CCDC50: variants seen among roughly 807,000 people sequenced by gnomAD.
CCDC50 encodes coiled-coil domain-containing protein 50.
Under a neutral mutation model 70.2 loss-of-function variants are expected in CCDC50, and 54 were observed. The ratio of observed to expected loss-of-function variants is 0.77; its 90% CI spans 0.62 to 0.96. CCDC50 has a LOEUF of 0.96. CCDC50 is among the 50% of genes least tolerant of loss of function. CCDC50 has a pLI of 0.00. For missense variants in CCDC50, 558 were observed against 578.7 expected (o/e 0.96, Z 0.37); for synonymous variants, 216 against 198.8 (o/e 1.09, Z -0.73).
At chr3:191,370,758 G>T (rs1179066983) in intron 5 of CCDC50, among the ~76,000 whole-genome samples, 1 of 151,948 alleles carries the variant, frequency 6.6e-6, no homozygotes, top group Non-Finnish European at 1.5e-5. Flanking sequence ...CAAAGTGCTG[G>T]GATTACAGAT....
At chr3:191,359,661 C>T (rs1712414718) in intron 3 of CCDC50, among the ~76,000 whole-genome samples, 1 of 151,780 alleles carries the variant, frequency 6.6e-6, no homozygotes, top group Non-Finnish European at 1.5e-5. Flanking sequence ...ATGATGAGGC[C>T]TAAATTGAAG....
At chr3:191,338,092 T>G (rs1711578483) in intron 1 of CCDC50, among the ~76,000 whole-genome samples, 1 of 152,296 alleles carries the variant, frequency 6.6e-6, no homozygotes. Flanking sequence ...CCATTAACTT[T>G]AGGAGTTTTA....
chr3:191,373,043 G>A (rs1189395609), intron 5 of CCDC50, among the ~76,000 whole-genome samples: 1 of 151,786 alleles, frequency 6.6e-6, no homozygotes, highest in African/African-American at 2.4e-5. Flanking sequence ...CAAACATGGA[G>A]GCACTCATAT....
intron 4 of CCDC50, among the ~76,000 whole-genome samples, chr3:191,363,195 A>C (rs916206484): frequency 1.3e-5 from 2 of 152,212 alleles, no homozygotes; most frequent in African/African-American, 4.8e-5. Flanking sequence ...AATACTATAT[A>C]AAATTAGCAG....
In CCDC50 at chr3:191,394,072, G is replaced by T. The variant is rs989470545; in HGVS notation, c.*2312G>T. The T allele has an allele frequency of 4.0e-5, 6 of 151,788 alleles. No homozygotes were observed. Among genetic ancestry groups the T allele is most frequent in the African/African-American group, 1.5e-4 (6 of 41,324 alleles). The allele number at this position is 151,788 out of a possible 1,614,324, so 9.4% of individuals were successfully genotyped here. On this transcript the variant is annotated 3_prime_UTR_variant, in exon 12 of 12. Coordinates refer to ENST00000392455, the MANE Select transcript of CCDC50 (RefSeq NM_178335.3). ...GAGATACTGCATTCAAAAAAAAGTC[G>T]GACCACTTAACACTTACCAGGAATG...
chr3:191,366,173 A>G (rs16866503), intron 4 of CCDC50, among the ~76,000 whole-genome samples: 9,027 of 152,224 alleles, frequency 0.059, 485 homozygotes, highest in East Asian at 0.25. Flanking sequence ...TTTTACTAAA[A>G]GCAAGATAAG....
In CCDC50 at chr3:191,391,916, A is replaced by G. The variant is rs1006876706; in HGVS notation, c.*156A>G. The G allele has an allele frequency of 1.8e-5, 13 of 730,766 alleles. No homozygotes were observed. The highest frequency in any genetic ancestry group is 3.0e-5 in the Non-Finnish European group (13 of 433,614). The allele number at this position is 730,766 out of a possible 1,614,324, so 45.3% of individuals were successfully genotyped here. On this transcript the variant is annotated 3_prime_UTR_variant, in exon 12 of 12. Transcript: ENST00000392455. ...ACCATAAGTAATTTTAATTCATTTC[A>G]AATGTTTTGGTTATTCATGATCACT...
intron 4 of CCDC50, among the ~76,000 whole-genome samples, chr3:191,363,192 T>G (rs1056053641): frequency 1.3e-5 from 2 of 152,174 alleles, no homozygotes; most frequent in African/African-American, 4.8e-5. Context: ...GGTAATACTA[T>G]ATAAAATTAG....
intron 1 of CCDC50, among the ~76,000 whole-genome samples, chr3:191,332,383 T>C (rs921998665): frequency 6.6e-6 from 1 of 152,322 alleles, no homozygotes; most frequent in Non-Finnish European, 1.5e-5. Flanking sequence ...AGTTCATATG[T>C]AGGTGAAAAG....
At chr3:191,390,413 A>ATCTTGTGT (rs1576978282) in intron 11 of CCDC50, among the ~76,000 whole-genome samples, 1 of 5,512 alleles carries the variant, frequency 1.8e-4, no homozygotes, top group Non-Finnish European at 6.2e-4. Context: ...AGAAGGTTCG[A>ATCTTGTGT]ATAAAGAATG....
rs1374162557 is a variant in CCDC50, at chr3:191,394,828, T to C, written c.*3068T>C. 6.6e-6 allele frequency: 1 copy of C among 152,180 alleles called. No homozygotes were observed. Among genetic ancestry groups the C allele is most frequent in the Non-Finnish European group, 1.5e-5 (1 of 68,020 alleles). The allele number at this position is 152,180 out of a possible 1,614,324, so 9.4% of individuals were successfully genotyped here. On this transcript the variant is annotated 3_prime_UTR_variant, in exon 12 of 12. Transcript: ENST00000392455. ...CCACTGTTAGACGTAAGTATTTTAT[T>C]AGACATAAGTATTTTATTTTGGGAC... is the stretch of plus-strand genomic sequence containing the variant.
In CCDC50 at chr3:191,331,507, A is replaced by G. The variant is rs976392460; in HGVS notation, c.49+1784A>G. On this transcript the variant is annotated intron_variant, in intron 1 of 11. Transcript: ENST00000392455. ...CATTTTGCGTAATACGGTGTTTGGC[A>G]ATCTCTTTTATGTAATCTGGTAAAT... Among the ~76,000 whole-genome samples the G allele has an allele frequency of 3.3e-5, 5 of 152,228 alleles. No homozygotes were observed. The East Asian group carries it at 9.6e-4, about 29-fold the overall frequency.
intron 1 of CCDC50, among the ~76,000 whole-genome samples, chr3:191,337,250 C>G (rs574917970): frequency 9.2e-5 from 14 of 151,836 alleles, no homozygotes; most frequent in African/African-American, 3.4e-4. Context: ...TTGGACAGTT[C>G]AGTTATCGGT....
At chr3:191,357,033 A>G in intron 1 of CCDC50, 55 bp from the exon 2 acceptor site, 1 of 1,067,642 alleles carries the variant, frequency 9.4e-7, no homozygotes, top group South Asian at 1.3e-5. Flanking sequence ...TTTCCTTTGT[A>G]TGTTAAAGTA....
chr3:191,355,294 A>G (rs192792492), intron 1 of CCDC50, among the ~76,000 whole-genome samples: 13 of 152,332 alleles, frequency 8.5e-5, no homozygotes, highest in African/African-American at 2.9e-4. Flanking sequence ...CATTCTTTAC[A>G]CAAGATTTGA....
chr3:191,382,017 G>A (rs1231504102), intron 9 of CCDC50, among the ~76,000 whole-genome samples: 1 of 152,098 alleles, frequency 6.6e-6, no homozygotes, highest in Non-Finnish European at 1.5e-5. Context: ...AACTAACTCA[G>A]TAATTCAAGA....
At position 191,329,550 on chromosome 3, in the gene CCDC50, C is replaced by A; in HGVS notation, c.-125C>A. ...CCGCCCGACCCGCTCCGTTCTCCGG[C>A]CTGCGAGCCCTGCCGGCCGGACTTT... On this transcript the variant is annotated 5_prime_UTR_variant, in exon 1 of 12. Transcript: ENST00000392455. The A allele has an allele frequency of 1.1e-6, 1 of 896,106 alleles. No individual in the cohort carries two copies. Among genetic ancestry groups the A allele is most frequent in the Non-Finnish European group, 1.6e-6 (1 of 614,792 alleles). 55.5% of individuals were successfully genotyped at this position (896,106 alleles called of 1,614,324 possible).
chr3:191,394,680 A>G lies in CCDC50; in HGVS notation c.*2920A>G, dbSNP rs1713806105. ...ACAATATATGACGGAGCCTTATCATAAGGCTGCTTGACATAGACACCCACT... is the reference window on the plus strand; with the variant it reads ...ACAATATATGACGGAGCCTTATCATGAGGCTGCTTGACATAGACACCCACT... On this transcript the variant is annotated 3_prime_UTR_variant, in exon 12 of 12. Transcript: ENST00000392455. The G allele has an allele frequency of 6.6e-6, 1 of 152,190 alleles. No individual in the cohort carries two copies. The allele number at this position is 152,190 out of a possible 1,614,324, so 9.4% of individuals were successfully genotyped here.
intron 1 of CCDC50, among the ~76,000 whole-genome samples, chr3:191,335,007 T>C (rs1479571279): frequency 6.6e-6 from 1 of 152,190 alleles, no homozygotes; most frequent in Non-Finnish European, 1.5e-5. Context: ...CTCTGGTATA[T>C]TCATTCTAAA....
Sources: allele counts gnomAD v4.1 joint callset (sites outside exome capture counted in the v4.1 genomes callset), GRCh38; gene constraint gnomAD v4.1.1; transcripts MANE v1.5; gene names NCBI Gene and HGNC (gene_info 2026-07-23, HGNC 2026-07-21).